Variants in KLF13 observed in about 807,000 individuals in gnomAD.
KLF13 encodes Krueppel-like factor 13.
Under a neutral mutation model 16.7 loss-of-function variants are expected in KLF13, and 8 were observed. The observed-to-expected ratio is 0.48, with a 90% CI of 0.28 to 0.87. KLF13 has a LOEUF of 0.87. KLF13 is among the 40% of genes least tolerant of loss of function. KLF13 has a pLI of 0.10. For missense variants in KLF13, 447 were observed against 452.2 expected, an observed-to-expected ratio of 0.99 and a Z score of 0.10; for synonymous variants, 245 against 208.4, an observed-to-expected ratio of 1.18 and a Z score of -1.51.
At chr15:31,361,256 T>G (rs1186733296) in intron 1 of KLF13, among the ~76,000 whole-genome samples, 1 of 152,136 alleles carries the variant, frequency 6.6e-6, no homozygotes, top group East Asian at 1.9e-4. Flanking sequence ...GGCAGCAGTG[T>G]TCCTGTTCCA....
Position 31,370,252 on chromosome 15 carries a change from C to T in KLF13, c.578-1758C>T, listed in dbSNP as rs138557699. 2.0e-4 allele frequency among the ~76,000 whole-genome samples: 30 copies of T among 152,088 alleles called. No homozygotes were observed. The East Asian group carries it at 5.6e-3, about 28-fold the overall frequency. Reference sequence around the variant, plus strand: ...AGAGAGCAAGTGTACCCACACACGGCCCCTGCTTCAGCAGTACCAGGAGAC... The same window carrying T: ...AGAGAGCAAGTGTACCCACACACGGTCCCTGCTTCAGCAGTACCAGGAGAC... On this transcript the variant is annotated intron_variant, in intron 1 of 1. Coordinates refer to ENST00000307145, the MANE Select transcript of KLF13 (RefSeq NM_015995.4).
chr15:31,429,859 G>A (rs1166138861), intron 1 of KLF13, among the ~76,000 whole-genome samples: 1 of 151,630 alleles, frequency 6.6e-6, no homozygotes, highest in African/African-American at 2.4e-5. Flanking sequence ...TCAGCCTCCC[G>A]AGTAGCTGGG....
At chr15:31,368,549 C>T (rs2039510564) in intron 1 of KLF13, among the ~76,000 whole-genome samples, 2 of 152,090 alleles carry the variant, frequency 1.3e-5, no homozygotes, top group Admixed American at 6.5e-5. Flanking sequence ...GAAACAAATA[C>T]ATAGGATTTT....
chr15:31,343,127 G>A (rs1023234557), intron 1 of KLF13, among the ~76,000 whole-genome samples: 1 of 152,334 alleles, frequency 6.6e-6, no homozygotes, highest in Admixed American at 6.5e-5. Flanking sequence ...TGCTCTTGTG[G>A]TCATGAGTGG....
intron 1 of KLF13, among the ~76,000 whole-genome samples, chr15:31,339,382 A>G (rs1200545153): frequency 1.3e-5 from 2 of 152,042 alleles, no homozygotes; most frequent in Non-Finnish European, 2.9e-5. Flanking sequence ...CTTTTCTTTT[A>G]GACGGTGGCA....
chr15:31,434,938 G>A (rs1022217788), intron 1 of KLF13, among the ~76,000 whole-genome samples: 1 of 152,232 alleles, frequency 6.6e-6, no homozygotes, highest in African/African-American at 2.4e-5. Flanking sequence ...GCTGGCGGGG[G>A]CCGGGGGACT....
At chr15:31,391,521 C>G (rs1262958713), upstream of KLF13, among the ~76,000 whole-genome samples, 2 of 152,026 alleles carry the variant, frequency 1.3e-5, no homozygotes, top group Non-Finnish European at 2.9e-5. Context: ...CCTGCACCGG[C>G]CCAAGACAAG....
chr15:31,371,955 G>C, intron 1 of KLF13, 55 bp from the exon 2 acceptor site: 1 of 1,525,290 alleles, frequency 6.6e-7, no homozygotes, highest in Non-Finnish European at 8.8e-7. Context: ...TCCCCAGAGA[G>C]GGTGTGAAGG....
Position 31,374,113 on chromosome 15 carries a change from A to T in KLF13, c.*1814A>T, listed in dbSNP as rs1314555042. ...GGACCCAGGCCTAGCCACTGCCCAC[A>T]GCTGATGGTCACTGTTTTGGCTGGC... is the stretch of plus-strand genomic sequence containing the variant. On this transcript the variant is annotated 3_prime_UTR_variant, in exon 2 of 2. Coordinates refer to ENST00000307145, the MANE Select transcript of KLF13 (RefSeq NM_015995.4). 1 of 152,742 alleles carries T rather than the reference A, an allele frequency of 6.5e-6. No individual in the cohort carries two copies. The highest frequency in any genetic ancestry group is 2.4e-5 in the African/African-American group (1 of 41,442). 9.5% of individuals were successfully genotyped at this position (152,742 alleles called of 1,614,324 possible).
At chr15:31,334,869 A>T (rs1393130109) in intron 1 of KLF13, among the ~76,000 whole-genome samples, 1 of 152,230 alleles carries the variant, frequency 6.6e-6, no homozygotes, top group Non-Finnish European at 1.5e-5. Context: ...TCATGGAGAC[A>T]GCCACCAGTG....
intron 1 of KLF13, among the ~76,000 whole-genome samples, chr15:31,328,210 T>A (rs1258926363): frequency 6.7e-6 from 1 of 148,726 alleles, no homozygotes; most frequent in South Asian, 2.1e-4. Context: ...CCGGGGTCCC[T>A]CCTCGTTTCC....
chr15:31,420,321 C>G, intron 1 of KLF13: 2 of 984,452 alleles, frequency 2.0e-6, no homozygotes, highest in South Asian at 2.5e-5. Flanking sequence ...TGGGTAGGGA[C>G]CATCCATGGA....
At chr15:31,357,843 G>T (rs945618788) in intron 1 of KLF13, among the ~76,000 whole-genome samples, 11 of 152,142 alleles carry the variant, frequency 7.2e-5, no homozygotes, top group African/African-American at 2.7e-4. Context: ...CCGAGCCTTT[G>T]TGGGGAAACG....
rs531523643 is a variant in KLF13, at chr15:31,369,741, G to A, written c.578-2269G>A. On this transcript the variant is annotated intron_variant, in intron 1 of 1. Transcript: ENST00000307145. Reference sequence around the variant, plus strand: ...CAATGGCCCTTTACTATTCAGTCATGTCTCTAGCTCCTTGGTTTTATCTCA... The same window carrying A: ...CAATGGCCCTTTACTATTCAGTCATATCTCTAGCTCCTTGGTTTTATCTCA... Among the ~76,000 whole-genome samples the A allele has an allele frequency of 7.9e-5, 12 of 152,294 alleles. No individual in the cohort carries two copies. The South Asian group carries it at 2.5e-3, about 32-fold the overall frequency.
chr15:31,382,552 A>G (rs1474392579), downstream of KLF13, among the ~76,000 whole-genome samples: 24 of 152,210 alleles, frequency 1.6e-4, no homozygotes, highest in Admixed American at 1.5e-3. Flanking sequence ...GCCCCATGAC[A>G]CAGGGCTGGT....
intron 1 of KLF13, among the ~76,000 whole-genome samples, chr15:31,369,678 C>T (rs1036449335): frequency 6.6e-6 from 1 of 152,158 alleles, no homozygotes; most frequent in Admixed American, 6.5e-5. Flanking sequence ...TCCTGTGCTC[C>T]AGTGACCTCC....
intron 1 of KLF13, among the ~76,000 whole-genome samples, chr15:31,434,227 A>G (rs1478492558): frequency 5.3e-5 from 8 of 152,200 alleles, no homozygotes; most frequent in Admixed American, 3.9e-4. Context: ...TCAGAGAGGT[A>G]AGTGACTTGC....
chr15:31,354,734 A>C (rs1343906134), intron 1 of KLF13, among the ~76,000 whole-genome samples: 1 of 152,156 alleles, frequency 6.6e-6, no homozygotes, highest in Non-Finnish European at 1.5e-5. Context: ...ACAGATGCCC[A>C]CATCTTCAGG....
chr15:31,354,506 A>G (rs1426878995), intron 1 of KLF13, among the ~76,000 whole-genome samples: 3 of 152,070 alleles, frequency 2.0e-5, no homozygotes, highest in Non-Finnish European at 4.4e-5. Context: ...TCAGCCTCTC[A>G]AGTAGCTGGG....
Sources: gnomAD v4.1 joint callset for allele counts (sites outside exome capture counted in the v4.1 genomes callset) on GRCh38, gnomAD v4.1.1 for gene constraint, MANE v1.5 for transcripts, NCBI Gene and HGNC (gene_info 2026-07-23, HGNC 2026-07-21) for gene names.